The following FMN1 variants were observed in gnomAD, a reference collection of about 807,000 sequenced individuals.
FMN1 encodes the protein formin-1.
A neutral mutation model predicts 132.4 loss-of-function variants in FMN1; 110 were observed. The observed-to-expected ratio is 0.83, with a 90% CI of 0.71 to 0.97. FMN1 has a LOEUF of 0.97. Ranked by LOEUF, FMN1 falls within the 50% of genes least tolerant of loss-of-function variation. FMN1 has a pLI of 0.00. For synonymous variants in FMN1, 722 were observed against 651.7 expected, an observed-to-expected ratio of 1.11 and a Z score of -1.64; for missense variants, 1,792 against 1,705.3, an observed-to-expected ratio of 1.05 and a Z score of -0.90.
At chr15:33,166,312 C>T (rs558841119) in intron 3 of FMN1, among the ~76,000 whole-genome samples, 2 of 133,336 alleles carry the variant, frequency 1.5e-5, no homozygotes, top group African/African-American at 7.4e-5. Flanking sequence ...CTGGCACTCA[C>T]TTTTTCTTTT....
intron 4 of FMN1, among the ~76,000 whole-genome samples, chr15:33,124,181 A>C (rs1049535202): frequency 4.6e-5 from 7 of 152,336 alleles, no homozygotes; most frequent in Middle Eastern, 6.8e-3. Context: ...CAGAGTGCAA[A>C]GGGTGAGACG....
At chr15:33,139,261 G>C (rs998320762) in intron 4 of FMN1, among the ~76,000 whole-genome samples, 14 of 152,166 alleles carry the variant, frequency 9.2e-5, no homozygotes, top group South Asian at 6.2e-4. Context: ...CCAGGCAATT[G>C]CTTATTGAGG....
chr15:33,150,325 A>G, intron 4 of FMN1: 1 of 985,508 alleles, frequency 1.0e-6, no homozygotes, highest in Non-Finnish European at 1.2e-6. Context: ...GCTTGGGAAC[A>G]TTCCACATCA....
chr15:33,122,212 G>C (rs72721486), intron 4 of FMN1, among the ~76,000 whole-genome samples: 7,258 of 152,222 alleles, frequency 0.048, 260 homozygotes, highest in Non-Finnish European at 0.078. Flanking sequence ...CTGACCTATA[G>C]TCACCAAAAA....
chr15:33,040,025 C>G (rs2036357262), intron 6 of FMN1, among the ~76,000 whole-genome samples: 1 of 152,194 alleles, frequency 6.6e-6, no homozygotes, highest in African/African-American at 2.4e-5. Flanking sequence ...CCAAAGTGCT[C>G]AGCATGGCAT....
At position 33,088,924 on chromosome 15, in the gene FMN1, T is replaced by C. The variant is rs1328962311; in HGVS notation, c.1918A>G (p.Lys640Glu). 6 of 1,535,958 alleles carry C rather than the reference T, an allele frequency of 3.9e-6. No individual in the cohort carries two copies. Among genetic ancestry groups the C allele is most frequent in the African/African-American group, 1.4e-5 (1 of 73,134 alleles). ...PWDGFNEQTP[K>E]DLPNRDGGAW... ...CCTCCATCTCTGTTGGGAAGGTCTT[T>C]AGGTGTCTGCTCATTGAAGCCGTCC... Residue 640 changes from lysine (K) to glutamate (E), a missense_variant, in exon 5 of 21, where the codon AAA (lysine) becomes GAA (glutamate). Coordinates refer to ENST00000616417, the MANE Select transcript of FMN1 (RefSeq NM_001277313.2).
chr15:33,067,224 T>A (rs1244672914), intron 5 of FMN1: 6 of 1,613,456 alleles, frequency 3.7e-6, no homozygotes, highest in Non-Finnish European at 5.1e-6. Flanking sequence ...AGACCACCGT[T>A]GCCAGCTTCC....
chr15:32,827,832 A>C (rs59119474), intron 17 of FMN1, among the ~76,000 whole-genome samples: 31,146 of 151,224 alleles, frequency 0.21, 3,592 homozygotes, highest in East Asian at 0.51. Context: ...TGACAGAGCA[A>C]GACTCCGTCT....
chr15:32,877,894 T>TATTA (rs145933162), intron 16 of FMN1, among the ~76,000 whole-genome samples: 15,528 of 152,170 alleles, frequency 0.1, 1,874 homozygotes, highest in African/African-American at 0.29. Flanking sequence ...ATTTACCAAA[T>TATTA]ATTGACAACA....
chr15:32,858,298 C>T (rs2059183034), intron 16 of FMN1, among the ~76,000 whole-genome samples: 1 of 152,194 alleles, frequency 6.6e-6, no homozygotes, highest in Non-Finnish European at 1.5e-5. Flanking sequence ...GCAAAAGACA[C>T]CACTTAAATG....
intron 4 of FMN1, among the ~76,000 whole-genome samples, chr15:33,123,391 T>C (rs1158237684): frequency 1.3e-5 from 2 of 152,090 alleles, no homozygotes; most frequent in Admixed American, 6.5e-5. Flanking sequence ...CACTATATAG[T>C]ATACAGACTT....
chr15:32,809,049 G>A (rs1019660370), intron 17 of FMN1, among the ~76,000 whole-genome samples: 2 of 118,550 alleles, frequency 1.7e-5, no homozygotes, highest in Non-Finnish European at 3.7e-5. Flanking sequence ...ATCCTCAGGA[G>A]AAAGAGAAAA....
At chr15:33,119,109 A>G (rs1421212340) in intron 4 of FMN1, among the ~76,000 whole-genome samples, 2 of 152,224 alleles carry the variant, frequency 1.3e-5, no homozygotes, top group Admixed American at 6.5e-5. Flanking sequence ...AGTTCAGCCC[A>G]TAAAAACTAG....
chr15:32,891,898 A>G (rs570911924), intron 15 of FMN1, among the ~76,000 whole-genome samples: 2 of 152,046 alleles, frequency 1.3e-5, no homozygotes, highest in Non-Finnish European at 2.9e-5. Flanking sequence ...ATTTGTGTAC[A>G]TTAATCTTGT....
At chr15:32,860,041 G>T (rs1408625402) in intron 16 of FMN1, among the ~76,000 whole-genome samples, 3 of 143,048 alleles carry the variant, frequency 2.1e-5, no homozygotes, top group African/African-American at 8.9e-5. Context: ...AGAAAGGAAA[G>T]AAAGAATGAA....
At chr15:33,082,899 TTGTAATATAGGCA>T (rs796805743) in intron 5 of FMN1, among the ~76,000 whole-genome samples, 109 of 152,266 alleles carry the variant, frequency 7.2e-4, no homozygotes, top group African/African-American at 2.5e-3. Context: ...CCAAAAAATT[TTGTAATATAGGCA>T]TGTCCCATAC....
intron 6 of FMN1, among the ~76,000 whole-genome samples, chr15:33,009,516 T>C (rs867260489): frequency 3.3e-5 from 5 of 152,240 alleles, no homozygotes; most frequent in South Asian, 4.1e-4. Context: ...ACACTGGCTT[T>C]CTTGCCATTC....
intron 7 of FMN1, among the ~76,000 whole-genome samples, chr15:32,993,480 C>G (rs1376585531): frequency 2.0e-5 from 3 of 152,130 alleles, no homozygotes; most frequent in Non-Finnish European, 4.4e-5. Context: ...AAACTGCCCC[C>G]TGTCTACAGA....
intron 7 of FMN1, among the ~76,000 whole-genome samples, chr15:33,000,149 G>T (rs2034008637): frequency 6.6e-6 from 1 of 152,148 alleles, no homozygotes. Context: ...TAACTAAAAG[G>T]TTAAAAACGG....
Sources: gnomAD v4.1 joint callset for allele counts (sites outside exome capture counted in the v4.1 genomes callset) on GRCh38, gnomAD v4.1.1 for gene constraint, MANE v1.5 for transcripts, NCBI Gene and HGNC (gene_info 2026-07-23, HGNC 2026-07-21) for gene names.